The following PDE4A variants were observed in gnomAD, a reference collection of about 807,000 sequenced individuals.
PDE4A encodes the protein 3',5'-cyclic-AMP phosphodiesterase 4A.
Under a neutral mutation model 73.9 loss-of-function variants are expected in PDE4A, and 21 were observed. That is an observed-to-expected ratio of 0.28 (90% CI 0.20 to 0.41). PDE4A has a LOEUF of 0.41. Ranked by LOEUF, PDE4A falls within the 10% of genes least tolerant of loss-of-function variation. The pLI is 1.00. For synonymous variants in PDE4A, 463 were observed against 505.4 expected, an observed-to-expected ratio of 0.92 and a Z score of 1.13; for missense variants, 958 against 1,211.4, an observed-to-expected ratio of 0.79 and a Z score of 3.10.
intron 1 of PDE4A, chr19:10,427,712 C>G (rs2042735552): frequency 2.1e-6 from 2 of 939,060 alleles, no homozygotes; most frequent in Non-Finnish European, 2.5e-6. Flanking sequence ...AGTCACTCCT[C>G]TCTGGGCCTT....
intron 1 of PDE4A, chr19:10,432,398 G>C (rs1242988766): frequency 9.5e-6 from 13 of 1,363,520 alleles, no homozygotes; most frequent in Middle Eastern, 5.5e-4. Flanking sequence ...CCCTGCCGCC[G>C]TCCCCATGCG....
In PDE4A at chr19:10,459,643, A is replaced by G; in HGVS notation, c.1249A>G (p.Thr417Ala). ...CCGCATCCCTGTGGACACGATGGTG[A>G]CATACATGCTGACGCTGGAGGATCA... The part of the protein sequence containing the change: ...KFRIPVDTMV[T>A]YMLTLEDHYH... The change falls in exon 10 of 15, where the codon ACA (threonine) becomes GCA (alanine). Residue 417 changes from threonine (T) to alanine (A), a missense_variant. Transcript: ENST00000380702. The G allele has an allele frequency of 6.2e-7, 1 of 1,614,232 alleles. No individual in the cohort carries two copies. The highest frequency in any genetic ancestry group is 8.5e-7 in the Non-Finnish European group (1 of 1,180,034).
rs5827099 is a variant in PDE4A at position 10,427,993 on chromosome 19, CAA to C, written c.320+6927_320+6928del. 7.9e-3 allele frequency: 851 copies of C among 107,912 alleles called. 3 individuals are homozygous for C. Among genetic ancestry groups the C allele is most frequent in the African/African-American group, 0.013 (316 of 23,966 alleles). 6.7% of individuals were successfully genotyped at this position (107,912 alleles called of 1,614,324 possible). On this transcript the variant is annotated intron_variant, in intron 1 of 14. Transcript: ENST00000380702. ...TCTGGGTGACAGAGTGAGACCCTGT[CAA>C]AAAAAAAAAAAAAAAAAGAATATCA...
rs940371420 is a variant in PDE4A at position 10,457,689 on chromosome 19, C to T, written c.878-190C>T. 9 of 687,638 alleles carry T rather than the reference C, an allele frequency of 1.3e-5. 1 individual carries two copies. The highest frequency in any genetic ancestry group is 7.3e-4 in the Middle Eastern group (1 of 1,364). The allele number at this position is 687,638 out of a possible 1,614,324, so 42.6% of individuals were successfully genotyped here. On this transcript the variant is annotated intron_variant, in intron 7 of 14. Transcript: ENST00000380702. Reference sequence around the variant, plus strand: ...AGAGCCCTGGGCCCCCACTCCAGCCCACCACCTCCTGGAAGATTTCCCACA... The same window carrying T: ...AGAGCCCTGGGCCCCCACTCCAGCCTACCACCTCCTGGAAGATTTCCCACA...
intron 1 of PDE4A, among the ~76,000 whole-genome samples, chr19:10,425,227 A>C (rs141924880): frequency 0.02 from 2,969 of 151,702 alleles, 98 homozygotes; most frequent in African/African-American, 0.068. Flanking sequence ...TGTCTCAAAA[A>C]AAAAAACAAA....
chr19:10,432,632 G>T (rs1166164219), intron 1 of PDE4A: 3 of 1,452,234 alleles, frequency 2.1e-6, no homozygotes, highest in African/African-American at 1.5e-5. Context: ...GGCTGTGCTG[G>T]GGGGGTGGGG....
chr19:10,424,959 G>A lies in PDE4A; in HGVS notation c.320+3875G>A, dbSNP rs1439835509. On this transcript the variant is annotated intron_variant, in intron 1 of 14. Coordinates refer to ENST00000380702, the MANE Select transcript of PDE4A (RefSeq NM_001111307.2). The surrounding 1 kb of genome is among the most constrained non-coding windows in gnomAD (Gnocchi z 4.8). ...AACCAGATCTCGGCCAGGCGCGGTGGCTCTGTAATCTGAGCACTTTGGGAG... is the reference window on the plus strand; with the variant it reads ...AACCAGATCTCGGCCAGGCGCGGTGACTCTGTAATCTGAGCACTTTGGGAG... Among the ~76,000 whole-genome samples the A allele has an allele frequency of 6.6e-6, 1 of 152,192 alleles. No homozygotes were observed. Among genetic ancestry groups the A allele is most frequent in the Admixed American group, 6.6e-5 (1 of 15,260 alleles).
intron 1 of PDE4A, among the ~76,000 whole-genome samples, chr19:10,423,530 C>A (rs572931974): frequency 1.3e-5 from 2 of 152,312 alleles, no homozygotes; most frequent in South Asian, 4.1e-4. Flanking sequence ...CAACGCAGGT[C>A]CGCCCAATTC....
At chr19:10,416,799 C>T, upstream of PDE4A, 1 of 1,518,960 alleles carries the variant, frequency 6.6e-7, no homozygotes. Flanking sequence ...AGGCAATAGG[C>T]AAGTGGCGGG....
chr19:10,460,715 T>C (rs1396585854), intron 10 of PDE4A, among the ~76,000 whole-genome samples: 1 of 151,410 alleles, frequency 6.6e-6, no homozygotes, highest in East Asian at 1.9e-4. Context: ...GGAGAGTTGC[T>C]TGAACCCAGG....
In PDE4A at chr19:10,467,131, C is replaced by T; in HGVS notation, c.2171C>T (p.Ala724Val). The T allele has an allele frequency of 6.2e-7, 1 of 1,614,146 alleles. No individual in the cohort carries two copies. The highest frequency in any genetic ancestry group is 2.2e-5 in the East Asian group (1 of 44,886). The change falls in exon 15 of 15, where the codon GCC (alanine) becomes GTC (valine). Residue 724 changes from alanine (A) to valine (V), a missense_variant. By Grantham distance (64) the Ala-to-Val change is moderately conservative. Transcript: ENST00000380702. ...GAAGAGGAGGAAGAAATATCAATGGCCCAGATACCGTGCACAGCCCAAGAG... is the reference window on the plus strand; with the variant it reads ...GAAGAGGAGGAAGAAATATCAATGGTCCAGATACCGTGCACAGCCCAAGAG... ...EEEEEEEISM[A>V]QIPCTAQEAL...
At chr19:10,465,598 C>T (rs1812996570) in intron 14 of PDE4A, among the ~76,000 whole-genome samples, 1 of 149,268 alleles carries the variant, frequency 6.7e-6, no homozygotes, top group Admixed American at 6.7e-5. Context: ...ATCACTCACA[C>T]ACACCCCATG....
chr19:10,449,076 C>T lies in PDE4A; in HGVS notation c.550-4C>T. 6.2e-7 allele frequency: 1 copy of T among 1,613,446 alleles called. No homozygotes were observed. The highest frequency in any genetic ancestry group is 8.5e-7 in the Non-Finnish European group (1 of 1,179,708). ...CCACTCCTCACTGCCGCTCCCCATCCCAGGTGCTGGCCAGCCTCCGGAGCG... is the reference window on the plus strand; with the variant it reads ...CCACTCCTCACTGCCGCTCCCCATCTCAGGTGCTGGCCAGCCTCCGGAGCG... On this transcript the variant is annotated splice_polypyrimidine_tract_variant and splice_region_variant and intron_variant, in intron 3 of 14. Transcript: ENST00000380702.
chr19:10,461,399 A>G (rs1599455159), intron 11 of PDE4A, 127 bp from the exon 12 acceptor site: 3 of 1,457,576 alleles, frequency 2.1e-6, no homozygotes, highest in Non-Finnish European at 2.7e-6. Flanking sequence ...GCTGGGGTAG[A>G]GCTGACTGGG....
At chr19:10,446,519 C>G in intron 2 of PDE4A, 110 bp downstream of exon 2, 1 of 1,298,420 alleles carries the variant, frequency 7.7e-7, no homozygotes, top group South Asian at 1.5e-5. Context: ...CTCAGCACTC[C>G]CAACCTGTCC....
chr19:10,463,754 T>C (rs201150020), intron 13 of PDE4A, 39 bp from the exon 14 acceptor site: 43 of 1,609,358 alleles, frequency 2.7e-5, no homozygotes, highest in Non-Finnish European at 3.7e-5. Context: ...GACACAGGCA[T>C]AGCCTCTGAA....
intron 1 of PDE4A, among the ~76,000 whole-genome samples, chr19:10,441,684 ATTTTTTT>A (rs1308151510): frequency 1.1e-5 from 1 of 92,730 alleles, no homozygotes; most frequent in African/African-American, 4.5e-5. Context: ...ATTTTGAGTT[ATTTTTTT>A]TTTTTTTTTT....
Position 10,453,688 on chromosome 19 carries a change from C to A in PDE4A, c.784-1141C>A, listed in dbSNP as rs949315272. On this transcript the variant is annotated intron_variant, in intron 6 of 14. Transcript: ENST00000380702. The surrounding 1 kb of genome is among the most constrained non-coding windows in gnomAD (Gnocchi z 4.6). Reference sequence around the variant, plus strand: ...TGTGTGTTGGGTTGTGTGTCTGAGCCCAGAGCTGCCTGATATTTTGGGGAC... The same window carrying A: ...TGTGTGTTGGGTTGTGTGTCTGAGCACAGAGCTGCCTGATATTTTGGGGAC... Among the ~76,000 whole-genome samples, 1 of 152,012 alleles carries A rather than the reference C, an allele frequency of 6.6e-6. No individual in the cohort carries two copies. Among genetic ancestry groups the A allele is most frequent in the African/African-American group, 2.4e-5 (1 of 41,366 alleles).
Position 10,453,397 on chromosome 19 carries a change from T to A in PDE4A, c.784-1432T>A. Reference sequence around the variant, plus strand: ...GCTGGGCCCCCGGTGTGGGCTTGTGTGTGCAGCTGTGCACGTGTGTGGCCT... The same window carrying A: ...GCTGGGCCCCCGGTGTGGGCTTGTGAGTGCAGCTGTGCACGTGTGTGGCCT... On this transcript the variant is annotated intron_variant, in intron 6 of 14. Coordinates refer to ENST00000380702, the MANE Select transcript of PDE4A (RefSeq NM_001111307.2). This position sits in a 1 kb window ranked among gnomAD's most constrained non-coding sequence, Gnocchi z 4.6. 6.5e-7 allele frequency: 1 copy of A among 1,539,074 alleles called. No individual in the cohort carries two copies. The highest frequency in any genetic ancestry group is 8.8e-7 in the Non-Finnish European group (1 of 1,139,502).
Sources: gnomAD v4.1 joint callset for allele counts (sites outside exome capture counted in the v4.1 genomes callset) on GRCh38, gnomAD v4.1.1 for gene constraint, Gnocchi (gnomAD v3.1) non-coding constraint, MANE v1.5 for transcripts, NCBI Gene and HGNC (gene_info 2026-07-23, HGNC 2026-07-21) for gene names.